Variants in NEGR1 observed in about 807,000 individuals in gnomAD.
NEGR1 encodes the protein neuronal growth regulator 1, also known as IgLON family member 4.
Under a neutral mutation model 40.9 loss-of-function variants are expected in NEGR1, and 10 were observed. That is an observed-to-expected ratio of 0.24 (90% CI 0.15 to 0.42). NEGR1 has a LOEUF of 0.42. NEGR1 is among the 10% of genes least tolerant of loss of function. The probability of loss-of-function intolerance (pLI) is 1.00; values close to 1 mark genes in which losing one functional copy is unlikely to be tolerated. For synonymous variants in NEGR1, 185 were observed against 166.8 expected (o/e 1.11, Z -0.84); for missense variants, 352 against 438.9 (o/e 0.80, Z 1.77).
At position 71,427,533 on chromosome 1, in the gene NEGR1, AC is replaced by A. The variant is rs1349065772; in HGVS notation, c.941-19964del. On this transcript the variant is annotated intron_variant, in intron 6 of 6. Transcript: ENST00000357731. Reference sequence around the variant, plus strand: ...CCTTTACTCTTTCTATGAAGAGTTAACCAAGTAATAAATCAAGTTAAAAGAT... The same window carrying A: ...CCTTTACTCTTTCTATGAAGAGTTAACAAGTAATAAATCAAGTTAAAAGAT... Among the ~76,000 whole-genome samples, 3 of 152,322 alleles carry A rather than the reference AC, an allele frequency of 2.0e-5. No homozygotes were observed. The East Asian group carries it at 5.8e-4, about 29-fold the overall frequency.
chr1:71,501,095 A>C (rs1298048775), intron 6 of NEGR1, among the ~76,000 whole-genome samples: 2 of 152,076 alleles, frequency 1.3e-5, no homozygotes, highest in Non-Finnish European at 2.9e-5. Flanking sequence ...TAATATGCAA[A>C]TAAGACCAAA....
chr1:71,812,287 C>T (rs546018983), intron 2 of NEGR1, among the ~76,000 whole-genome samples: 2 of 152,180 alleles, frequency 1.3e-5, no homozygotes, highest in South Asian at 2.1e-4. Context: ...TTTCTTTATC[C>T]AGTCTATCAT....
intron 6 of NEGR1, among the ~76,000 whole-genome samples, chr1:71,540,212 C>T (rs1647645508): frequency 1.3e-5 from 2 of 151,674 alleles, no homozygotes; most frequent in South Asian, 4.1e-4. Flanking sequence ...GAATAAATGT[C>T]TTAGTTTTCA....
intron 1 of NEGR1, among the ~76,000 whole-genome samples, chr1:72,132,086 AAG>A (rs1479477895): frequency 4.6e-5 from 7 of 152,116 alleles, no homozygotes; most frequent in Non-Finnish European, 7.3e-5. Context: ...GTGAGAGAGC[AAG>A]ACTCTGTCTC....
At chr1:71,513,008 AT>A (rs1304597816) in intron 6 of NEGR1, among the ~76,000 whole-genome samples, 1 of 152,236 alleles carries the variant, frequency 6.6e-6, no homozygotes, top group Non-Finnish European at 1.5e-5. Flanking sequence ...TCGACAAAAA[AT>A]ACCTCATAAT....
chr1:71,566,361 A>G (rs1268901693), intron 6 of NEGR1, among the ~76,000 whole-genome samples: 3 of 152,024 alleles, frequency 2.0e-5, no homozygotes, highest in Non-Finnish European at 4.4e-5. Flanking sequence ...TTCGTATATA[A>G]GTAAACTGAG....
At chr1:72,248,422 T>C (rs1654971589) in intron 1 of NEGR1, among the ~76,000 whole-genome samples, 1 of 151,824 alleles carries the variant, frequency 6.6e-6, no homozygotes, top group Non-Finnish European at 1.5e-5. Flanking sequence ...CACGCCTGGC[T>C]AATATTTGTA....
At chr1:72,132,053 TC>T (rs1650275621) in intron 1 of NEGR1, among the ~76,000 whole-genome samples, 1 of 152,030 alleles carries the variant, frequency 6.6e-6, no homozygotes, top group African/African-American at 2.4e-5. Context: ...GAGCCTAGAT[TC>T]CACCACTGTA....
At chr1:72,052,385 T>G (rs928932771) in intron 1 of NEGR1, among the ~76,000 whole-genome samples, 2 of 151,474 alleles carry the variant, frequency 1.3e-5, no homozygotes, top group African/African-American at 4.8e-5. Flanking sequence ...CAAATCTGAC[T>G]GCAAAAATTG....
At chr1:72,258,040 T>C (rs1158346397) in intron 1 of NEGR1, among the ~76,000 whole-genome samples, 1 of 152,120 alleles carries the variant, frequency 6.6e-6, no homozygotes, top group Non-Finnish European at 1.5e-5. Flanking sequence ...TCACAGATAT[T>C]CCCTAATATT....
intron 6 of NEGR1, among the ~76,000 whole-genome samples, chr1:71,458,452 T>TA (rs1436109876): frequency 6.6e-6 from 1 of 152,262 alleles, no homozygotes; most frequent in Admixed American, 6.5e-5. Flanking sequence ...GTGCCCACTA[T>TA]AGTTATACTT....
At chr1:71,428,076 CACTT>C (rs1341681150) in intron 6 of NEGR1, among the ~76,000 whole-genome samples, 2 of 152,148 alleles carry the variant, frequency 1.3e-5, no homozygotes, top group African/African-American at 2.4e-5. Flanking sequence ...CACACAAAGA[CACTT>C]ACTGAAAGGG....
At chr1:71,644,544 G>T (rs1033373211) in intron 4 of NEGR1, among the ~76,000 whole-genome samples, 1 of 151,802 alleles carries the variant, frequency 6.6e-6, no homozygotes, top group Non-Finnish European at 1.5e-5. Flanking sequence ...ATTTATTCAT[G>T]TATCTCAAGA....
At chr1:72,039,490 C>A (rs1305037800) in intron 1 of NEGR1, among the ~76,000 whole-genome samples, 1 of 152,052 alleles carries the variant, frequency 6.6e-6, no homozygotes, top group Non-Finnish European at 1.5e-5. Context: ...AATTACATTT[C>A]TTCAGGTTTC....
intron 2 of NEGR1, among the ~76,000 whole-genome samples, chr1:71,805,705 A>C (rs1657744652): frequency 6.6e-6 from 1 of 152,230 alleles, no homozygotes; most frequent in Non-Finnish European, 1.5e-5. Flanking sequence ...TCTTTTGTTA[A>C]ATGCTTAACT....
chr1:71,965,334 T>C (rs1483803684), intron 1 of NEGR1, among the ~76,000 whole-genome samples: 1 of 152,198 alleles, frequency 6.6e-6, no homozygotes, highest in Admixed American at 6.6e-5. Flanking sequence ...TCTATATTAC[T>C]AATAACTTTA....
chr1:72,268,272 C>T (rs907617503), intron 1 of NEGR1, among the ~76,000 whole-genome samples: 2 of 151,420 alleles, frequency 1.3e-5, no homozygotes, highest in African/African-American at 4.8e-5. Flanking sequence ...TCTGACACTG[C>T]TTTTGGCACA....
intron 4 of NEGR1, among the ~76,000 whole-genome samples, chr1:71,690,619 CAGAGAGAGAGAGAGAGAGAGAG>C (rs59019409): frequency 4.4e-5 from 3 of 67,586 alleles, no homozygotes; most frequent in African/African-American, 1.1e-4. Flanking sequence ...TAGAGGGAGA[CAGAGAGAGAGAGAGAGAGAGAG>C]AGAGAGAGAG....
intron 6 of NEGR1, among the ~76,000 whole-genome samples, chr1:71,448,134 T>G (rs1007093898): frequency 2.0e-5 from 3 of 152,080 alleles, no homozygotes; most frequent in Admixed American, 2.0e-4. Context: ...TTTGGAAATT[T>G]TAGCGTTTGG....
Sources: gnomAD v4.1 joint callset for allele counts (sites outside exome capture counted in the v4.1 genomes callset) on GRCh38, gnomAD v4.1.1 for gene constraint, MANE v1.5 for transcripts, NCBI Gene and HGNC (gene_info 2026-07-23, HGNC 2026-07-21) for gene names.